PXMP4: variants seen among roughly 807,000 people sequenced by gnomAD.
PXMP4 encodes the protein 24 kDa peroxisomal intrinsic membrane protein.
PXMP4 carries 16 observed loss-of-function variants against 21.6 expected under a neutral mutation model. The ratio of observed to expected loss-of-function variants is 0.74; its 90% CI spans 0.50 to 1.13. The LOEUF (loss-of-function observed/expected upper bound fraction) is 1.13. Ranked by LOEUF, PXMP4 falls within the 50% of genes most tolerant of loss-of-function variation. The pLI, the probability that PXMP4 is intolerant of heterozygous loss-of-function variation, is 0.00. For missense variants in PXMP4, 240 were observed against 277.7 expected, an observed-to-expected ratio of 0.86 and a Z score of 0.96; for synonymous variants, 127 against 123.8, an observed-to-expected ratio of 1.03 and a Z score of -0.17.
intron 1 of PXMP4, among the ~76,000 whole-genome samples, chr20:33,719,833 C>T (rs2018427510): frequency 6.6e-6 from 1 of 152,154 alleles, no homozygotes; most frequent in Non-Finnish European, 1.5e-5. Flanking sequence ...CAGAAGCTGG[C>T]ATGGGAGGAG....
At chr20:33,713,880 A>G (rs1192896692) in intron 2 of PXMP4, among the ~76,000 whole-genome samples, 2 of 152,218 alleles carry the variant, frequency 1.3e-5, no homozygotes, top group Non-Finnish European at 2.9e-5. Context: ...CCTTGAGGGA[A>G]GAGCTACGGG....
In PXMP4 at chr20:33,712,419, C is replaced by G. The variant is rs370763517; in HGVS notation, c.177-1666G>C. Among the ~76,000 whole-genome samples, 276 of 152,238 alleles carry G rather than the reference C, an allele frequency of 1.8e-3. 2 individuals carry two copies. The highest frequency in any genetic ancestry group is 6.0e-3 in the African/African-American group (248 of 41,550). Reference sequence around the variant, plus strand: ...TTGGGTGGCCCTGCTCCCCTCCCCCCACACCAATCTGTTCTTAACCTGGCA... The same window carrying G: ...TTGGGTGGCCCTGCTCCCCTCCCCCGACACCAATCTGTTCTTAACCTGGCA... On this transcript the variant is annotated intron_variant, in intron 2 of 3. Transcript: ENST00000409299.
At chr20:33,713,919 C>T (rs1240176097) in intron 2 of PXMP4, among the ~76,000 whole-genome samples, 2 of 151,796 alleles carry the variant, frequency 1.3e-5, no homozygotes, top group Non-Finnish European at 2.9e-5. Flanking sequence ...GATGCTTCAG[C>T]GAGAGACAAG....
intron 1 of PXMP4, among the ~76,000 whole-genome samples, chr20:33,719,268 T>C (rs1179444142): frequency 1.3e-5 from 2 of 152,194 alleles, no homozygotes; most frequent in Non-Finnish European, 2.9e-5. Flanking sequence ...ATTTTACAGA[T>C]ATTGAGGCTT....
chr20:33,717,305 A>G (rs1024198195), intron 1 of PXMP4, among the ~76,000 whole-genome samples: 1 of 152,170 alleles, frequency 6.6e-6, no homozygotes, highest in Non-Finnish European at 1.5e-5. Context: ...ACTTTTCTAG[A>G]CTTCCAGAAT....
At chr20:33,712,646 T>A (rs570754931) in intron 2 of PXMP4, among the ~76,000 whole-genome samples, 1 of 152,282 alleles carries the variant, frequency 6.6e-6, no homozygotes, top group East Asian at 1.9e-4. Context: ...TTATTTATTT[T>A]GAGACGGAGT....
intron 3 of PXMP4, among the ~76,000 whole-genome samples, chr20:33,709,083 C>G (rs1217948784): frequency 6.6e-6 from 1 of 152,130 alleles, no homozygotes; most frequent in Non-Finnish European, 1.5e-5. Context: ...CATCTGAGGT[C>G]AGGAGTTTCA....
chr20:33,714,340 A>T (rs2018361563), intron 2 of PXMP4, among the ~76,000 whole-genome samples: 1 of 152,094 alleles, frequency 6.6e-6, no homozygotes, highest in Non-Finnish European at 1.5e-5. Flanking sequence ...CCAATATGGT[A>T]AAACTCCATC....
intron 1 of PXMP4, among the ~76,000 whole-genome samples, chr20:33,717,508 C>T (rs1225750273): frequency 2.0e-5 from 3 of 149,190 alleles, no homozygotes; most frequent in Non-Finnish European, 3.0e-5. Flanking sequence ...GGCGTAGTGG[C>T]GGGCGCCTGT....
At chr20:33,708,183 T>A (rs1444372468) in intron 3 of PXMP4, among the ~76,000 whole-genome samples, 2 of 141,076 alleles carry the variant, frequency 1.4e-5, no homozygotes, top group South Asian at 2.2e-4. Context: ...TCTGTACTAA[T>A]TTTTTTTTTT....
At chr20:33,716,489 C>G (rs2018384761) in intron 1 of PXMP4, among the ~76,000 whole-genome samples, 1 of 152,216 alleles carries the variant, frequency 6.6e-6, no homozygotes, top group Admixed American at 6.5e-5. Flanking sequence ...ATGCTCCAGC[C>G]TAGGTTTGAG....
At chr20:33,719,310 C>T (rs780714758) in intron 1 of PXMP4, among the ~76,000 whole-genome samples, 1 of 152,212 alleles carries the variant, frequency 6.6e-6, no homozygotes, top group East Asian at 1.9e-4. Context: ...CCAGATCACA[C>T]GGGTAGGTGG....
Position 33,707,641 on chromosome 20 carries a change from G to T in PXMP4, c.*65C>A. 1 of 1,564,364 alleles carries T rather than the reference G, an allele frequency of 6.4e-7. No individual in the cohort carries two copies. Among genetic ancestry groups the T allele is most frequent in the South Asian group, 1.2e-5 (1 of 85,716 alleles). On this transcript the variant is annotated 3_prime_UTR_variant, in exon 4 of 4. Transcript: ENST00000409299. ...TGAGGCCTATGATCTTGAGAAGGCA[G>T]TATCCTTTGGGAGGGTCTGCATGGG... is the stretch of plus-strand genomic sequence containing the variant.
At chr20:33,708,766 C>G (rs1388473885) in intron 3 of PXMP4, among the ~76,000 whole-genome samples, 1 of 151,934 alleles carries the variant, frequency 6.6e-6, no homozygotes, top group African/African-American at 2.4e-5. Context: ...TCTTGGCTCA[C>G]TGCAACCTCT....
rs751768544 is a variant in PXMP4 at position 33,720,225 on chromosome 20, G to T, written c.-18C>A. 6.3e-7 allele frequency: 1 copy of T among 1,599,470 alleles called. No individual in the cohort carries two copies. The highest frequency in any genetic ancestry group is 1.7e-5 in the Admixed American group (1 of 58,482). ...GCTGCCATAGTGCGGGCTGCGCGCA[G>T]GGTCGGGGTTAGGAACTGTAAGCGC... is the stretch of plus-strand genomic sequence containing the variant. On this transcript the variant is annotated 5_prime_UTR_variant, in exon 1 of 4. The change creates a new upstream start codon in the 5' untranslated region. Coordinates refer to ENST00000409299, the MANE Select transcript of PXMP4 (RefSeq NM_007238.5).
At chr20:33,712,296 C>G (rs548189907) in intron 2 of PXMP4, among the ~76,000 whole-genome samples, 3 of 152,250 alleles carry the variant, frequency 2.0e-5, no homozygotes, top group South Asian at 4.1e-4. Flanking sequence ...AGAGACTGAC[C>G]ACTCTTCTCA....
Position 33,707,776 on chromosome 20 carries a change from T to C in PXMP4, c.569A>G (p.Tyr190Cys). 6.2e-7 allele frequency: 1 copy of C among 1,614,154 alleles called. No homozygotes were observed. The highest frequency in any genetic ancestry group is 1.3e-5 in the African/African-American group (1 of 75,032). Residue 190 changes from tyrosine to cysteine, a missense_variant, in exon 4 of 4, where the codon TAT becomes TGT. Transcript: ENST00000409299. Reference sequence around the variant, plus strand: ...GTCGTGCCATACATTGCTGTCCTCATAGAGGTAGGTCATGGAGGACTGCAG... The same window carrying C: ...GTCGTGCCATACATTGCTGTCCTCACAGAGGTAGGTCATGGAGGACTGCAG... ...PSLQSSMTYL[Y>C]EDSNVWHDIS...
rs2018217496 is a variant in PXMP4, at chr20:33,702,772, T to TATTC, written c.*4933_*4934insGAAT. 6.6e-6 allele frequency: 1 copy of TATTC among 152,110 alleles called. No homozygotes were observed. The highest frequency in any genetic ancestry group is 6.6e-5 in the Admixed American group (1 of 15,266). 9.4% of individuals were successfully genotyped at this position (152,110 alleles called of 1,614,324 possible). A position where few individuals can be genotyped will look rare whatever the true frequency, so the allele number is the denominator to read the frequency against. ...ACACATATATATTTATTTATTTATT[T>TATTC]ATTTATTTTAGTCTTACATGTCAAA... On this transcript the variant is annotated 3_prime_UTR_variant, in exon 4 of 4. Transcript: ENST00000409299.
intron 1 of PXMP4, among the ~76,000 whole-genome samples, chr20:33,715,517 C>G (rs2122590574): frequency 6.6e-6 from 1 of 152,008 alleles, no homozygotes; most frequent in African/African-American, 2.4e-5. Flanking sequence ...CCTCCACCTC[C>G]TGGGTTCAAG....
Sources: gnomAD v4.1 joint callset for allele counts (sites outside exome capture counted in the v4.1 genomes callset) on GRCh38, gnomAD v4.1.1 for gene constraint, MANE v1.5 for transcripts, NCBI Gene and HGNC (gene_info 2026-07-23, HGNC 2026-07-21) for gene names.